Variants in UBASH3A observed in about 807,000 individuals in gnomAD.
UBASH3A encodes ubiquitin associated and SH3 domain containing A.
A neutral mutation model predicts 73.5 loss-of-function variants in UBASH3A; 63 were observed. The observed-to-expected ratio is 0.86, with a 90% CI of 0.70 to 1.06. The LOEUF (loss-of-function observed/expected upper bound fraction) is 1.06, where lower values mean the gene tolerates loss of function less well. Among genes scored for constraint, UBASH3A ranks in the 50% least tolerant of loss-of-function variants. UBASH3A has a pLI of 0.00. For synonymous variants in UBASH3A, 363 were observed against 351.1 expected (o/e 1.03, Z -0.38); for missense variants, 860 against 859.0 (o/e 1.00, Z -0.02).
intron 11 of UBASH3A, 133 bp downstream of exon 11, chr21:42,437,713 A>G: frequency 1.3e-6 from 1 of 773,632 alleles, no homozygotes; most frequent in Admixed American, 2.1e-5. Context: ...TCAGGCAAGT[A>G]CGAGCCAGCC....
chr21:42,407,217 C>G (rs1456931806), intron 2 of UBASH3A, among the ~76,000 whole-genome samples: 1 of 152,142 alleles, frequency 6.6e-6, no homozygotes, highest in African/African-American at 2.4e-5. Flanking sequence ...GTCCTTCATC[C>G]TCTGCCCTGA....
intron 12 of UBASH3A, 25 bp downstream of exon 12, chr21:42,442,621 C>G: frequency 6.3e-7 from 1 of 1,578,586 alleles, no homozygotes; most frequent in Non-Finnish European, 8.6e-7. Context: ...AGTTCTCTGC[C>G]ACTGGGGCTT....
chr21:42,446,238 G>GC (rs1366197417), intron 14 of UBASH3A, among the ~76,000 whole-genome samples: 2 of 152,254 alleles, frequency 1.3e-5, no homozygotes, highest in African/African-American at 4.8e-5. Flanking sequence ...CGTTCACCCT[G>GC]CCCCTACCCC....
At chr21:42,411,282 C>A (rs931057723) in intron 3 of UBASH3A, among the ~76,000 whole-genome samples, 1 of 151,546 alleles carries the variant, frequency 6.6e-6, no homozygotes, top group Non-Finnish European at 1.5e-5. Flanking sequence ...TACATAGGTA[C>A]ACATGCAAAC....
chr21:42,415,447 A>G (rs1464193711), intron 5 of UBASH3A, among the ~76,000 whole-genome samples: 1 of 152,060 alleles, frequency 6.6e-6, no homozygotes, highest in Non-Finnish European at 1.5e-5. Flanking sequence ...CTAAAGGCTC[A>G]CCTCTCACGT....
chr21:42,428,049 T>C (rs2053469587), intron 8 of UBASH3A, among the ~76,000 whole-genome samples: 1 of 151,976 alleles, frequency 6.6e-6, no homozygotes, highest in Non-Finnish European at 1.5e-5. Context: ...GCTGCCCTTA[T>C]AAGAAGAGGG....
chr21:42,437,551 G>C lies in UBASH3A; in HGVS notation c.1457G>C (p.Cys486Ser). 1.2e-6 allele frequency: 2 copies of C among 1,614,262 alleles called. No homozygotes were observed. Among genetic ancestry groups the C allele is most frequent in the Non-Finnish European group, 1.7e-6 (2 of 1,180,024 alleles). ...SSVFASPALRCVQTAKLILEE... is the reference protein window; with the variant it reads ...SSVFASPALRSVQTAKLILEE... ...GTGTTTGCCTCCCCAGCCCTCCGCT[G>C]TGTGCAGACGGCCAAACTCATCCTG... is the stretch of plus-strand genomic sequence containing the variant. The change falls in exon 11 of 15, where the codon TGT becomes TCT. Residue 486 changes from cysteine to serine, a missense_variant. Cys to Ser is a moderately radical substitution (Grantham distance 112). Transcript: ENST00000319294.
intron 7 of UBASH3A, among the ~76,000 whole-genome samples, chr21:42,419,928 C>G (rs1474320389): frequency 6.6e-6 from 1 of 152,200 alleles, no homozygotes; most frequent in Non-Finnish European, 1.5e-5. Flanking sequence ...TTAAGGTAAG[C>G]TAGGCCAAGC....
chr21:42,431,691 G>A (rs1048804075), intron 8 of UBASH3A, among the ~76,000 whole-genome samples: 2 of 152,174 alleles, frequency 1.3e-5, no homozygotes, highest in Admixed American at 6.5e-5. Flanking sequence ...CAGAAGAAGT[G>A]TGCCAGCAAG....
At chr21:42,406,640 A>G (rs535700402) in intron 2 of UBASH3A, among the ~76,000 whole-genome samples, 1 of 152,230 alleles carries the variant, frequency 6.6e-6, no homozygotes, top group Non-Finnish European at 1.5e-5. Flanking sequence ...GCCAAGAAGA[A>G]CAGGTTCATG....
At chr21:42,446,528 G>A (rs2053846400) in intron 14 of UBASH3A, among the ~76,000 whole-genome samples, 1 of 152,196 alleles carries the variant, frequency 6.6e-6, no homozygotes, top group Non-Finnish European at 1.5e-5. Flanking sequence ...AGAAAGAAAA[G>A]AAAAGACAAA....
rs2053863365 is a variant in UBASH3A at position 42,447,459 on chromosome 21, G to C, written c.*265G>C. 5.5e-6 allele frequency: 2 copies of C among 362,402 alleles called. No individual in the cohort carries two copies. Among genetic ancestry groups the C allele is most frequent in the Admixed American group, 9.3e-5 (2 of 21,574 alleles). 22.4% of individuals were successfully genotyped at this position (362,402 alleles called of 1,614,324 possible). A position where few individuals can be genotyped will look rare whatever the true frequency, so the allele number is the denominator to read the frequency against. ...GATGCCGCCCTGCAGCATGTACACC[G>C]AGTGTCTGCAGCTGGGGACACAACT... On this transcript the variant is annotated 3_prime_UTR_variant, in exon 15 of 15. Transcript: ENST00000319294.
intron 3 of UBASH3A, 61 bp downstream of exon 3, chr21:42,409,669 C>T (rs1223917116): frequency 1.3e-6 from 2 of 1,489,886 alleles, no homozygotes; most frequent in Non-Finnish European, 9.2e-7. Flanking sequence ...TCTGTGCTAA[C>T]TAGGCCATGA....
intron 14 of UBASH3A, among the ~76,000 whole-genome samples, chr21:42,445,241 C>T (rs527915921): frequency 6.6e-6 from 1 of 152,362 alleles, no homozygotes; most frequent in African/African-American, 2.4e-5. Flanking sequence ...CAGGCAAACT[C>T]AGGAGTGCAG....
chr21:42,432,518 A>G (rs2053552189), intron 9 of UBASH3A, among the ~76,000 whole-genome samples: 1 of 148,846 alleles, frequency 6.7e-6, no homozygotes, highest in Non-Finnish European at 1.5e-5. Context: ...TCTGAATGCC[A>G]GGAAGTAAGA....
At chr21:42,407,824 A>C (rs1181336525) in intron 2 of UBASH3A, among the ~76,000 whole-genome samples, 1 of 152,232 alleles carries the variant, frequency 6.6e-6, no homozygotes, top group Non-Finnish European at 1.5e-5. Flanking sequence ...AGGGTTATGA[A>C]ATGGTTTTAA....
intron 11 of UBASH3A, among the ~76,000 whole-genome samples, chr21:42,439,992 C>T (rs1259357809): frequency 1.3e-5 from 2 of 150,188 alleles, no homozygotes; most frequent in African/African-American, 4.9e-5. Context: ...ACCCCACACA[C>T]ACCCACACAC....
intron 14 of UBASH3A, among the ~76,000 whole-genome samples, chr21:42,446,366 C>T (rs1410032121): frequency 6.6e-6 from 1 of 152,192 alleles, no homozygotes; most frequent in African/African-American, 2.4e-5. Flanking sequence ...CCCCGACCAG[C>T]CCATCACCGC....
At position 42,413,348 on chromosome 21, in the gene UBASH3A, A is replaced by C; in HGVS notation, c.554-62A>C. The stretch of plus-strand genomic sequence containing the variant: ...TTCCAGGGGAGCAGAGCCCAGCAGC[A>C]ATGGTGGGATGGCTGGGTGGGCTTT... On this transcript the variant is annotated intron_variant, in intron 4 of 14. Transcript: ENST00000319294. This position sits in a 1 kb window ranked among gnomAD's most constrained non-coding sequence, Gnocchi z 4.5. 1 of 1,532,454 alleles carries C rather than the reference A, an allele frequency of 6.5e-7. No homozygotes were observed. The highest frequency in any genetic ancestry group is 9.0e-7 in the Non-Finnish European group (1 of 1,113,412). 94.9% of individuals were successfully genotyped at this position (1,532,454 alleles called of 1,614,324 possible).
Sources: gnomAD v4.1 joint callset for allele counts (sites outside exome capture counted in the v4.1 genomes callset) on GRCh38, gnomAD v4.1.1 for gene constraint, Gnocchi (gnomAD v3.1) non-coding constraint, MANE v1.5 for transcripts, NCBI Gene and HGNC (gene_info 2026-07-23, HGNC 2026-07-21) for gene names.